COPS9: variants seen among roughly 807,000 people sequenced by gnomAD.
COPS9 encodes COP9 signalosome subunit 9, also known as COP9 signalosome complex subunit 9.
In COPS9, 8 loss-of-function variants were observed where a neutral mutation model predicts 7.2. The observed-to-expected ratio is 1.11, with a 90% CI of 0.65 to 2.00. COPS9 has a LOEUF of 2.00. Ranked by LOEUF, COPS9 falls within the 30% of genes most tolerant of loss-of-function variation. COPS9 has a pLI of 0.00. For synonymous variants in COPS9, 39 were observed against 28.7 expected (o/e 1.36, Z -1.14); for missense variants, 74 against 77.7 (o/e 0.95, Z 0.18).
chr2:240,126,718 T>C, downstream of COPS9: 5 of 1,614,270 alleles, frequency 3.1e-6, no homozygotes, highest in Non-Finnish European at 4.2e-6. Flanking sequence ...CTTGTGGTTC[T>C]GAGCACCTCT....
rs2071928261 is a variant in COPS9, at chr2:240,132,043, C to A, written c.137-955G>T. 6.6e-6 allele frequency among the ~76,000 whole-genome samples: 1 copy of A among 152,208 alleles called. No individual in the cohort carries two copies. On this transcript the variant is annotated intron_variant, in intron 2 of 2. Coordinates refer to ENST00000607357, the MANE Select transcript of COPS9 (RefSeq NM_001163424.2). The surrounding 1 kb of genome is among the most constrained non-coding windows in gnomAD (Gnocchi z 4.1). ...CCCGACTGCTGGTTGTGGTTCGCCG[C>A]TAGGAGCACTTTTGCGCAGTCCTGG...
chr2:240,131,522 G>A (rs957376225), intron 2 of COPS9, among the ~76,000 whole-genome samples: 2 of 152,196 alleles, frequency 1.3e-5, no homozygotes, highest in African/African-American at 2.4e-5. Context: ...GAAACCAGCC[G>A]GCTGCCGCTG....
chr2:240,133,285 A>G (rs1384750275), intron 2 of COPS9, among the ~76,000 whole-genome samples: 2 of 152,260 alleles, frequency 1.3e-5, no homozygotes, highest in Non-Finnish European at 2.9e-5. Context: ...TATCATCTAT[A>G]GGAATAAGGC....
rs2071935131 is a variant in COPS9 at position 240,132,703 on chromosome 2, A to G, written c.136+1230T>C. ...TGGGACTTTGAAGGAGATCATCAAA[A>G]TGCAAGCGTGTGGTGCCAGCATTAG... On this transcript the variant is annotated intron_variant, in intron 2 of 2. Transcript: ENST00000607357. The surrounding 1 kb of genome is among the most constrained non-coding windows in gnomAD (Gnocchi z 4.1). Among the ~76,000 whole-genome samples, 2 of 152,210 alleles carry G rather than the reference A, an allele frequency of 1.3e-5. No homozygotes were observed. The highest frequency in any genetic ancestry group is 2.4e-5 in the African/African-American group (1 of 41,456).
At chr2:240,129,921 A>G (rs1274769970), downstream of COPS9, 3 of 1,613,782 alleles carry the variant, frequency 1.9e-6, no homozygotes, top group South Asian at 3.3e-5. Flanking sequence ...CTCTTCCGAC[A>G]CCACAGGCCG....
chr2:240,136,103 C>T, intron 1 of COPS9, 119 bp downstream of exon 1: 1 of 1,312,256 alleles, frequency 7.6e-7, no homozygotes, highest in Non-Finnish European at 9.8e-7. Context: ...GCCTGGGAGC[C>T]GCGCCCATCG....
chr2:240,130,051 A>G (rs376566523), downstream of COPS9: 34 of 1,586,268 alleles, frequency 2.1e-5, no homozygotes, highest in Admixed American at 8.5e-5. Flanking sequence ...AAAGGACAGG[A>G]GCTCCATCAG....
chr2:240,127,853 G>A (rs1183393952), downstream of COPS9, among the ~76,000 whole-genome samples: 1 of 152,164 alleles, frequency 6.6e-6, no homozygotes, highest in Non-Finnish European at 1.5e-5. Context: ...GATCAGGGTT[G>A]CTCTGCCTTG....
Position 240,132,846 on chromosome 2 carries a change from C to T in COPS9, c.136+1087G>A, listed in dbSNP as rs12618815. 0.29 allele frequency among the ~76,000 whole-genome samples: 43,866 copies of T among 152,150 alleles called. 7,019 individuals are homozygous for T. Among genetic ancestry groups the T allele is most frequent in the East Asian group, 0.45 (2,351 of 5,174 alleles). On this transcript the variant is annotated intron_variant, in intron 2 of 2. Coordinates refer to ENST00000607357, the MANE Select transcript of COPS9 (RefSeq NM_001163424.2). The surrounding 1 kb of genome is among the most constrained non-coding windows in gnomAD (Gnocchi z 4.1). ...TTGTACAATTTGTTCCCTCTGAAGG[C>T]AACACCCTTCTCCCACCTCGCTCTG...
At chr2:240,126,988 G>GT, downstream of COPS9, 1 of 1,586,740 alleles carries the variant, frequency 6.3e-7, no homozygotes, top group Non-Finnish European at 8.6e-7. Context: ...GGTCTGGTAG[G>GT]TTTGCCTCTG....
At position 240,136,296 on chromosome 2, in the gene COPS9, G is replaced by C. The variant is rs557403275; in HGVS notation, c.-12C>G. The C allele has an allele frequency of 7.7e-6, 12 of 1,556,432 alleles. No homozygotes were observed. The highest frequency in any genetic ancestry group is 1.0e-5 in the Non-Finnish European group (12 of 1,155,430). Reference sequence around the variant, plus strand: ...ACCGCCGGCTTCATCTCGGGGCCGCGGCGCTCTAGGCTCACTTCCGGCCTC... The same window carrying C: ...ACCGCCGGCTTCATCTCGGGGCCGCCGCGCTCTAGGCTCACTTCCGGCCTC... On this transcript the variant is annotated 5_prime_UTR_variant, in exon 1 of 3. Transcript: ENST00000607357.
chr2:240,135,589 A>T (rs2071968726), intron 1 of COPS9, among the ~76,000 whole-genome samples: 1 of 152,130 alleles, frequency 6.6e-6, no homozygotes. Context: ...AGACAAGGTC[A>T]CTCTGTGAAC....
chr2:240,135,853 G>T, intron 1 of COPS9: 1 of 80,378 alleles, frequency 1.2e-5, no homozygotes, highest in Non-Finnish European at 2.0e-5. Flanking sequence ...AATCCCACAC[G>T]AGGTTATGGA....
chr2:240,127,056 C>A (rs763689615), downstream of COPS9: 1 of 1,338,268 alleles, frequency 7.5e-7, no homozygotes, highest in Non-Finnish European at 1.0e-6. Flanking sequence ...AGTATTTCTA[C>A]AAGGTACAGG....
downstream of COPS9, chr2:240,126,753 T>TGG: frequency 1.2e-6 from 2 of 1,614,232 alleles, no homozygotes; most frequent in Non-Finnish European, 1.7e-6. Context: ...CCACTTGGAT[T>TGG]GGTTCTTCCG....
chr2:240,126,805 T>C (rs1200575880), downstream of COPS9: 2 of 1,614,220 alleles, frequency 1.2e-6, no homozygotes, highest in Non-Finnish European at 1.7e-6. Flanking sequence ...TTCCCCTCAC[T>C]TGTTGCTTTG....
downstream of COPS9, among the ~76,000 whole-genome samples, chr2:240,129,514 T>C (rs1275585913): frequency 6.6e-6 from 1 of 152,096 alleles, no homozygotes; most frequent in Non-Finnish European, 1.5e-5. Context: ...TCGCTGGCAG[T>C]GGTGTTTGCC....
At chr2:240,128,480 G>C (rs28635508), downstream of COPS9, among the ~76,000 whole-genome samples, 50,385 of 152,024 alleles carry the variant, frequency 0.33, 8,617 homozygotes, top group African/African-American at 0.39. Context: ...GGCCCATTCT[G>C]CTCCAAGACG....
downstream of COPS9, chr2:240,130,032 A>G (rs2071905805): frequency 1.2e-6 from 2 of 1,609,134 alleles, no homozygotes; most frequent in Middle Eastern, 1.6e-4. Context: ...TGAGCTGCTG[A>G]GCCCCAACAA....
Sources: gnomAD v4.1 joint callset for allele counts (sites outside exome capture counted in the v4.1 genomes callset) on GRCh38, gnomAD v4.1.1 for gene constraint, Gnocchi (gnomAD v3.1) non-coding constraint, MANE v1.5 for transcripts, NCBI Gene and HGNC (gene_info 2026-07-23, HGNC 2026-07-21) for gene names.